Variants in CFAP47 observed in about 807,000 individuals in gnomAD.
CFAP47 encodes cilia and flagella associated protein 47.
CFAP47 carries 29 observed loss-of-function variants against 148.1 expected under a neutral mutation model. The observed-to-expected ratio is 0.20, with a 90% CI of 0.15 to 0.27. The LOEUF is 0.27. Among genes scored for constraint, CFAP47 ranks in the 10% least tolerant of loss-of-function variants. CFAP47 has a pLI of 1.00. For synonymous variants in CFAP47, 664 were observed against 577.3 expected (o/e 1.15, Z -2.15); for missense variants, 1,872 against 1,697.5 (o/e 1.10, Z -1.81).
Position 36,310,972 on chromosome X carries a change from T to C in CFAP47, c.8327T>C (p.Ile2776Thr). 1 of 1,123,350 alleles carries C rather than the reference T, an allele frequency of 8.9e-7. No individual in the cohort carries two copies. The highest frequency in any genetic ancestry group is 1.2e-6 in the Non-Finnish European group (1 of 842,584). The allele number at this position is 1,123,350 out of a possible 1,213,427, so 92.6% of individuals were successfully genotyped here. ...AATCCCACAATGGAAGATGTCCTCA[T>C]TGATATAATACTGACAAGTAAGTTG... ...FKNPTMEDVLIDIILTSVEHP... is the reference protein window; with the variant it reads ...FKNPTMEDVLTDIILTSVEHP... Residue 2776 changes from isoleucine (I) to threonine (T), a missense_variant, in exon 56 of 64, where the codon ATT becomes ACT. Ile to Thr is a moderately conservative substitution (Grantham distance 89). Transcript: ENST00000378653.
intron 63 of CFAP47, among the ~76,000 whole-genome samples, chrX:36,382,169 A>G (rs1942084075): frequency 9.0e-6 from 1 of 111,586 alleles, no homozygotes; most frequent in South Asian, 3.7e-4. Context: ...AAATCGATAA[A>G]GGGTACTTTA....
chrX:36,072,025 C>A, intron 28 of CFAP47, 54 bp downstream of exon 28: 1 of 872,116 alleles, frequency 1.1e-6, no homozygotes, highest in East Asian at 3.5e-5. Flanking sequence ...ACATGATCTC[C>A]TTAATATCAC....
intron 22 of CFAP47, among the ~76,000 whole-genome samples, chrX:36,030,275 A>G (rs1937265745): frequency 9.0e-6 from 1 of 111,625 alleles, no homozygotes; most frequent in Non-Finnish European, 1.9e-5. Context: ...TAGGCAGAGT[A>G]TAACTTATTT....
intron 22 of CFAP47, among the ~76,000 whole-genome samples, chrX:36,026,961 T>C (rs1185695927): frequency 9.2e-6 from 1 of 108,900 alleles, no homozygotes; most frequent in Admixed American, 9.9e-5. Context: ...TTTAGAAATC[T>C]GTTATTTTTC....
chrX:36,132,363 C>T (rs1938963843), intron 33 of CFAP47, among the ~76,000 whole-genome samples: 1 of 111,674 alleles, frequency 9.0e-6, no homozygotes, highest in Admixed American at 9.5e-5. Flanking sequence ...AAAAGACAAC[C>T]ATTGACCAAC....
intron 30 of CFAP47, among the ~76,000 whole-genome samples, chrX:36,097,619 A>G (rs73470967): frequency 0.026 from 2,908 of 111,225 alleles, 95 homozygotes; most frequent in African/African-American, 0.09. Context: ...ACTGTCAGAC[A>G]TATCAGAGGT....
At chrX:36,310,069 G>A in intron 55 of CFAP47, among the ~76,000 whole-genome samples, 1 of 109,320 alleles carries the variant, frequency 9.1e-6, no homozygotes, top group Admixed American at 9.9e-5. Context: ...TATAGTTTGA[G>A]AGATTATAAA....
At chrX:36,102,717 C>T (rs1400454739) in intron 32 of CFAP47, among the ~76,000 whole-genome samples, 3 of 111,602 alleles carry the variant, frequency 2.7e-5, no homozygotes, top group African/African-American at 9.8e-5. Context: ...ATCAGCTGTA[C>T]TCAAGTAATT....
intron 40 of CFAP47, among the ~76,000 whole-genome samples, chrX:36,182,876 G>A (rs1042078771): frequency 4.4e-5 from 5 of 112,700 alleles, no homozygotes; most frequent in Admixed American, 2.8e-4. Context: ...TGGAATTTAT[G>A]TGTCAACATA....
chrX:35,932,368 T>C (rs1330611307), intron 2 of CFAP47, among the ~76,000 whole-genome samples: 1 of 106,252 alleles, frequency 9.4e-6, no homozygotes, highest in East Asian at 3.0e-4. Context: ...CAAGTGATTC[T>C]CCTGCCTCAG....
intron 49 of CFAP47, among the ~76,000 whole-genome samples, chrX:36,254,229 G>A (rs1016071189): frequency 1.8e-5 from 2 of 111,312 alleles, no homozygotes; most frequent in African/African-American, 3.3e-5. Flanking sequence ...GAAGAATATG[G>A]CAGAGGGTTG....
intron 48 of CFAP47, among the ~76,000 whole-genome samples, chrX:36,250,239 G>A (rs1239981121): frequency 9.0e-6 from 1 of 111,418 alleles, no homozygotes; most frequent in Non-Finnish European, 1.9e-5. Flanking sequence ...TCTTAAAACA[G>A]AAGGAAATCC....
chrX:35,975,611 G>T, intron 14 of CFAP47, 61 bp from the exon 15 acceptor site: 2 of 1,140,034 alleles, frequency 1.8e-6, no homozygotes, highest in Non-Finnish European at 2.4e-6. Flanking sequence ...ACGTGTAGCT[G>T]AATTCTATAA....
chrX:36,214,061 C>T (rs782411147), intron 45 of CFAP47, among the ~76,000 whole-genome samples: 82 of 110,828 alleles, frequency 7.4e-4, no homozygotes, highest in African/African-American at 2.4e-3. Context: ...CATCTTTGTA[C>T]GAACATCACA....
intron 8 of CFAP47, among the ~76,000 whole-genome samples, chrX:35,960,606 A>G (rs1247608076): frequency 9.0e-6 from 1 of 110,712 alleles, no homozygotes; most frequent in East Asian, 2.8e-4. Flanking sequence ...TTTATTTCTA[A>G]ATATTTTATC....
intron 49 of CFAP47, among the ~76,000 whole-genome samples, chrX:36,254,930 A>G (rs1386736006): frequency 1.8e-5 from 2 of 111,294 alleles, no homozygotes; most frequent in Non-Finnish European, 3.8e-5. Flanking sequence ...TGCAGGGGGG[A>G]TTTTTGTGAG....
chrX:35,964,571 T>G (rs1238150108), intron 8 of CFAP47, among the ~76,000 whole-genome samples: 2 of 111,014 alleles, frequency 1.8e-5, no homozygotes, highest in Non-Finnish European at 3.8e-5. Context: ...TCTCTTCTCC[T>G]TTTTAGACTC....
intron 26 of CFAP47, among the ~76,000 whole-genome samples, chrX:36,064,423 T>C (rs1937619434): frequency 8.9e-6 from 1 of 112,200 alleles, no homozygotes; most frequent in Non-Finnish European, 1.9e-5. Context: ...TTAATATCAA[T>C]GTTTATATCA....
intron 57 of CFAP47, among the ~76,000 whole-genome samples, chrX:36,323,317 T>C (rs1941492085): frequency 9.0e-6 from 1 of 110,714 alleles, no homozygotes; most frequent in Admixed American, 9.7e-5. Context: ...ACAAAGTTTA[T>C]TTATGGCAGG....
Sources: gnomAD v4.1 joint callset for allele counts (sites outside exome capture counted in the v4.1 genomes callset) on GRCh38, gnomAD v4.1.1 for gene constraint, MANE v1.5 for transcripts, NCBI Gene and HGNC (gene_info 2026-07-23, HGNC 2026-07-21) for gene names.